The following SLC24A2 variants were observed in gnomAD, a reference collection of about 807,000 sequenced individuals.
SLC24A2 encodes the protein sodium/potassium/calcium exchanger 2.
In SLC24A2, 36 loss-of-function variants were observed where a neutral mutation model predicts 62.0. The ratio of observed to expected loss-of-function variants is 0.58; its 90% CI spans 0.44 to 0.77. SLC24A2 has a LOEUF of 0.77. Ranked by LOEUF, SLC24A2 falls within the 30% of genes least tolerant of loss-of-function variation. SLC24A2 has a pLI of 0.00. For synonymous variants in SLC24A2, 358 were observed against 294.0 expected, an observed-to-expected ratio of 1.22 and a Z score of -2.23; for missense variants, 846 against 817.9, an observed-to-expected ratio of 1.03 and a Z score of -0.42.
the SLC24A2 span, chr9:19,927,229 G>A: frequency 1.3e-5 from 2 of 152,264 alleles, no homozygotes; most frequent in African/African-American, 4.8e-5. Flanking sequence ...TGGTCGCCTA[G>A]CCCCTTCTAC....
the SLC24A2 span, among the ~76,000 whole-genome samples, chr9:19,915,040 C>A: frequency 6.6e-6 from 1 of 152,048 alleles, no homozygotes; most frequent in African/African-American, 2.4e-5. Flanking sequence ...CAACTGTTAC[C>A]ATTAAGTAAC....
At chr9:19,921,945 A>T in the SLC24A2 span, among the ~76,000 whole-genome samples, 3 of 152,240 alleles carry the variant, frequency 2.0e-5, no homozygotes, top group African/African-American at 7.2e-5. Flanking sequence ...GATGTAAGAC[A>T]AATTAAAAGC....
At chr9:19,596,662 T>C (rs927852915) in intron 5 of SLC24A2, among the ~76,000 whole-genome samples, 2 of 152,134 alleles carry the variant, frequency 1.3e-5, no homozygotes, top group Admixed American at 6.5e-5. Context: ...ATGTAGACAA[T>C]GCTACTGGAT....
intron 2 of SLC24A2, among the ~76,000 whole-genome samples, chr9:19,714,650 T>A (rs1399265733): frequency 6.6e-6 from 1 of 152,178 alleles, no homozygotes; most frequent in Non-Finnish European, 1.5e-5. Flanking sequence ...TGCGTATATC[T>A]ATTTAAGATA....
chr9:20,292,276 T>C, the SLC24A2 span, among the ~76,000 whole-genome samples: 1 of 152,372 alleles, frequency 6.6e-6, no homozygotes, highest in Non-Finnish European at 1.5e-5. Flanking sequence ...ACTGGAATGT[T>C]ATTACAGAAT....
chr9:19,520,208 T>A (rs746970873), intron 10 of SLC24A2, among the ~76,000 whole-genome samples: 1 of 152,240 alleles, frequency 6.6e-6, no homozygotes, highest in African/African-American at 2.4e-5. Flanking sequence ...TAATGTCTTA[T>A]ATCTTATTCT....
At chr9:19,914,312 C>T in the SLC24A2 span, among the ~76,000 whole-genome samples, 2 of 152,040 alleles carry the variant, frequency 1.3e-5, no homozygotes, top group Admixed American at 6.6e-5. Context: ...CATACTGGAT[C>T]TTGACACATG....
chr9:19,681,161 C>T (rs1819711761), intron 2 of SLC24A2, among the ~76,000 whole-genome samples: 1 of 152,062 alleles, frequency 6.6e-6, no homozygotes, highest in African/African-American at 2.4e-5. Context: ...CCAATCTTAC[C>T]TCTCTGACCT....
chr9:20,230,663 T>A, the SLC24A2 span, among the ~76,000 whole-genome samples: 5 of 152,122 alleles, frequency 3.3e-5, no homozygotes, highest in Non-Finnish European at 7.4e-5. Context: ...ATTGCAAAAA[T>A]TTTCTCTCAT....
At chr9:19,563,836 C>CCTTCCTTCCTTCCTTCCTT (rs1835536131) in intron 7 of SLC24A2, among the ~76,000 whole-genome samples, 2 of 39,094 alleles carry the variant, frequency 5.1e-5, no homozygotes, top group Admixed American at 5.2e-4. Flanking sequence ...CTCCCTCCCT[C>CCTTCCTTCCTTCCTTCCTT]CCTCCCTCCC....
At chr9:20,210,609 G>A in the SLC24A2 span, among the ~76,000 whole-genome samples, 3 of 144,194 alleles carry the variant, frequency 2.1e-5, no homozygotes, top group African/African-American at 5.2e-5. Flanking sequence ...GAGTAGCTGG[G>A]ACTACAGGCG....
chr9:19,550,211 T>G lies in SLC24A2; in HGVS notation c.1405A>C (p.Lys469Gln). The G allele has an allele frequency of 6.2e-7, 1 of 1,614,092 alleles. No individual in the cohort carries two copies. Among genetic ancestry groups the G allele is most frequent in the Non-Finnish European group, 8.5e-7 (1 of 1,180,000 alleles). ...LSLAWPSETR[K>Q]QVTFLIVFPI... ...AAAACAATCAGAAACGTGACTTGCT[T>G]GCGGGTTTCAGAAGGCCAGGCAAGG... is the stretch of plus-strand genomic sequence containing the variant. Residue 469 changes from lysine (K) to glutamine (Q), a missense_variant, in exon 8 of 11, where the codon AAG becomes CAG. By Grantham distance (53) the Lys-to-Gln change is moderately conservative. Transcript: ENST00000341998.
chr9:20,084,003 T>C, the SLC24A2 span, among the ~76,000 whole-genome samples: 3 of 152,242 alleles, frequency 2.0e-5, no homozygotes, highest in African/African-American at 4.8e-5. Flanking sequence ...CAGAGCAATA[T>C]TGCAAATAAT....
chr9:19,784,933 C>T (rs1012238822), intron 2 of SLC24A2, among the ~76,000 whole-genome samples: 6 of 152,114 alleles, frequency 3.9e-5, no homozygotes, highest in Non-Finnish European at 7.4e-5. Context: ...TTTTTCTTTT[C>T]TTTTTGAACA....
chr9:19,667,812 A>C (rs1819299824), intron 2 of SLC24A2, among the ~76,000 whole-genome samples: 1 of 152,022 alleles, frequency 6.6e-6, no homozygotes, highest in Non-Finnish European at 1.5e-5. Flanking sequence ...TATCAACAAT[A>C]CCGTGCTGCT....
At chr9:20,011,548 G>C in the SLC24A2 span, among the ~76,000 whole-genome samples, 1 of 152,086 alleles carries the variant, frequency 6.6e-6, no homozygotes, top group Non-Finnish European at 1.5e-5. Flanking sequence ...GAACAAATAA[G>C]GCCTACAGGA....
chr9:20,199,802 T>A, the SLC24A2 span, among the ~76,000 whole-genome samples: 1 of 151,334 alleles, frequency 6.6e-6, no homozygotes, highest in Non-Finnish European at 1.5e-5. Context: ...CACTGCAACC[T>A]CTGCCTCCCA....
the SLC24A2 span, among the ~76,000 whole-genome samples, chr9:20,081,860 A>G: frequency 6.6e-6 from 1 of 152,200 alleles, no homozygotes; most frequent in Non-Finnish European, 1.5e-5. Flanking sequence ...TAAACCCAAC[A>G]TAAATATTCT....
the SLC24A2 span, among the ~76,000 whole-genome samples, chr9:20,220,413 C>A: frequency 1.3e-4 from 20 of 152,162 alleles, no homozygotes; most frequent in African/African-American, 4.6e-4. Context: ...CTCTTATTCT[C>A]ACATATTCAA....
Sources: allele counts gnomAD v4.1 joint callset (sites outside exome capture counted in the v4.1 genomes callset), GRCh38; gene constraint gnomAD v4.1.1; transcripts MANE v1.5; gene names NCBI Gene and HGNC (gene_info 2026-07-23, HGNC 2026-07-21).